Variants in FGF13 observed in about 807,000 individuals in gnomAD.
The protein encoded by FGF13 is fibroblast growth factor 13.
In FGF13, 2 loss-of-function variants were observed where a neutral mutation model predicts 19.5. That is an observed-to-expected ratio of 0.10 (90% confidence interval 0.04 to 0.32). The LOEUF is 0.32. Ranked by LOEUF, FGF13 falls within the 10% of genes least tolerant of loss-of-function variation. FGF13 has a pLI of 1.00. For missense variants in FGF13, 113 were observed against 192.7 expected (o/e 0.59, Z 2.45); for synonymous variants, 72 against 76.9 (o/e 0.94, Z 0.33).
intron 1 of FGF13, among the ~76,000 whole-genome samples, chrX:138,976,297 C>A (rs1348142542): frequency 9.0e-6 from 1 of 111,481 alleles, no homozygotes; most frequent in Non-Finnish European, 1.9e-5. Flanking sequence ...AACAAACCTA[C>A]GTGTCCATCA....
At chrX:139,005,371 T>C (rs1275298831) in intron 1 of FGF13, among the ~76,000 whole-genome samples, 1 of 111,950 alleles carries the variant, frequency 8.9e-6, no homozygotes, top group Non-Finnish European at 1.9e-5. Context: ...ACAGTGTTAC[T>C]TGGCTTGGGG....
intron 1 of FGF13, among the ~76,000 whole-genome samples, chrX:138,883,177 C>A (rs1225781466): frequency 8.9e-6 from 1 of 112,255 alleles, no homozygotes; most frequent in Non-Finnish European, 1.9e-5. Flanking sequence ...CTTTTCCATG[C>A]ACCAAACAAA....
chrX:138,796,883 G>T (rs7056285), intron 3 of FGF13, among the ~76,000 whole-genome samples: 182 of 111,690 alleles, frequency 1.6e-3, no homozygotes, highest in African/African-American at 5.7e-3. Flanking sequence ...GTTCATTTAC[G>T]TTGCCCCCTT....
chrX:138,643,931 TAC>T (rs1287855303), intron 3 of FGF13, among the ~76,000 whole-genome samples: 4 of 112,229 alleles, frequency 3.6e-5, no homozygotes, highest in Admixed American at 9.4e-5. Flanking sequence ...GCCTATTGGA[TAC>T]ATAGTCTCTG....
chrX:139,059,230 G>GA (rs755387676), intron 1 of FGF13, among the ~76,000 whole-genome samples: 101 of 106,955 alleles, frequency 9.4e-4, no homozygotes, highest in East Asian at 9.4e-3. Context: ...AAAAGAGAGA[G>GA]AAAAAAAAAC....
chrX:138,740,059 A>G (rs1030454386), upstream of FGF13, among the ~76,000 whole-genome samples: 2 of 112,256 alleles, frequency 1.8e-5, no homozygotes, highest in African/African-American at 3.2e-5. Flanking sequence ...AAATTTTAAG[A>G]AAAAGCAAAC....
intron 1 of FGF13, among the ~76,000 whole-genome samples, chrX:138,884,251 A>G (rs116595343): frequency 0.1 from 11,438 of 111,740 alleles, 1,439 homozygotes; most frequent in African/African-American, 0.35. Context: ...TGTGAAAGGG[A>G]GAATCAAATG....
intron 1 of FGF13, among the ~76,000 whole-genome samples, chrX:139,122,708 A>G (rs1039900634): frequency 1.1e-4 from 12 of 111,215 alleles, no homozygotes; most frequent in African/African-American, 3.9e-4. Context: ...CCTTTCCCCT[A>G]AGACTTCTTC....
chrX:138,881,875 T>C (rs1248816081), intron 1 of FGF13, among the ~76,000 whole-genome samples: 1 of 110,718 alleles, frequency 9.0e-6, no homozygotes, highest in Non-Finnish European at 1.9e-5. Context: ...ATTCTCCATA[T>C]TGTTTTTCTC....
intron 1 of FGF13, among the ~76,000 whole-genome samples, chrX:139,106,266 C>T (rs1163795155): frequency 8.9e-6 from 1 of 112,532 alleles, no homozygotes; most frequent in African/African-American, 3.2e-5. Flanking sequence ...ATTGATTATG[C>T]TCATTTGTCA....
chrX:138,972,007 A>G (rs1416155166), intron 1 of FGF13, among the ~76,000 whole-genome samples: 4 of 110,097 alleles, frequency 3.6e-5, no homozygotes, highest in Non-Finnish European at 3.8e-5. Context: ...AGGTTCATCC[A>G]TGTCATAAAT....
At chrX:138,890,143 G>T (rs2091469665) in intron 1 of FGF13, among the ~76,000 whole-genome samples, 1 of 110,693 alleles carries the variant, frequency 9.0e-6, no homozygotes, top group Admixed American at 9.6e-5. Flanking sequence ...TGGTGAGGCT[G>T]GTCTCAAACT....
At chrX:139,137,263 A>C in intron 1 of FGF13, among the ~76,000 whole-genome samples, 1 of 112,160 alleles carries the variant, frequency 8.9e-6, no homozygotes, top group Non-Finnish European at 1.9e-5. Flanking sequence ...TTGCCTATTC[A>C]GGGGGATTAT....
intron 1 of FGF13, among the ~76,000 whole-genome samples, chrX:139,159,771 A>G (rs955783053): frequency 9.0e-6 from 1 of 111,422 alleles, no homozygotes; most frequent in African/African-American, 3.3e-5. Context: ...AAAGGGATCA[A>G]CACAACAAGA....
intron 1 of FGF13, among the ~76,000 whole-genome samples, chrX:138,890,031 C>T (rs182132241): frequency 1.6e-4 from 17 of 109,354 alleles, no homozygotes; most frequent in East Asian, 5.8e-4. Context: ...CGGGTTCAAG[C>T]GATTCTCCTG....
At chrX:139,094,195 T>A (rs1031152676) in intron 1 of FGF13, among the ~76,000 whole-genome samples, 4 of 110,756 alleles carry the variant, frequency 3.6e-5, no homozygotes, top group African/African-American at 1.3e-4. Context: ...AAAACTAAGA[T>A]TGAGAAGTGA....
intron 1 of FGF13, among the ~76,000 whole-genome samples, chrX:139,181,436 T>C (rs1481968763): frequency 8.9e-6 from 1 of 112,895 alleles, no homozygotes; most frequent in Admixed American, 9.3e-5. Context: ...CTCACCTTGG[T>C]TTTGATGACT....
chrX:138,954,738 AC>A (rs1211229322), intron 1 of FGF13, among the ~76,000 whole-genome samples: 1 of 111,927 alleles, frequency 8.9e-6, no homozygotes, highest in Non-Finnish European at 1.9e-5. Flanking sequence ...AGATCCCTCA[AC>A]GTTCACCCTA....
chrX:138,891,585 T>A (rs1007923906), intron 1 of FGF13, among the ~76,000 whole-genome samples: 4 of 111,754 alleles, frequency 3.6e-5, no homozygotes, highest in African/African-American at 1.3e-4. Context: ...TATGAATTTG[T>A]CAGAAACACA....
Sources: gnomAD v4.1 joint callset for allele counts (sites outside exome capture counted in the v4.1 genomes callset) on GRCh38, gnomAD v4.1.1 for gene constraint, MANE v1.5 for transcripts, NCBI Gene and HGNC (gene_info 2026-07-23, HGNC 2026-07-21) for gene names.